The following PPP6R1 variants were observed in gnomAD, a reference collection of about 807,000 sequenced individuals.
The protein encoded by PPP6R1 is protein phosphatase 6 regulatory subunit 1, also known as serine/threonine-protein phosphatase 6 regulatory subunit 1.
In PPP6R1, 39 loss-of-function variants were observed where a neutral mutation model predicts 104.6. The ratio of observed to expected loss-of-function variants is 0.37; its 90% CI spans 0.29 to 0.49. The LOEUF is 0.49. Ranked by LOEUF, PPP6R1 falls within the 20% of genes least tolerant of loss-of-function variation. PPP6R1 has a pLI of 0.98. For synonymous variants in PPP6R1, 549 were observed against 479.0 expected, an observed-to-expected ratio of 1.15 and a Z score of -1.91; for missense variants, 1,181 against 1,155.8, an observed-to-expected ratio of 1.02 and a Z score of -0.32.
At chr19:55,233,873 G>A (rs942104283) in intron 17 of PPP6R1, among the ~76,000 whole-genome samples, 2 of 152,150 alleles carry the variant, frequency 1.3e-5, no homozygotes, top group African/African-American at 4.8e-5. Flanking sequence ...AATTCATATG[G>A]AATCTCAAGA....
intron 1 of PPP6R1, among the ~76,000 whole-genome samples, chr19:55,256,650 C>A (rs888287173): frequency 6.6e-6 from 1 of 152,210 alleles, no homozygotes; most frequent in Non-Finnish European, 1.5e-5. Context: ...GAGCAAGACC[C>A]AGTCTTTACA....
chr19:55,231,241 A>G (rs74609066), intron 21 of PPP6R1, among the ~76,000 whole-genome samples, 169 bp downstream of exon 21: 1 of 152,152 alleles, frequency 6.6e-6, no homozygotes, highest in South Asian at 2.1e-4. Context: ...TACTAAGAGA[A>G]GAACCAGCCT....
At position 55,241,993 on chromosome 19, in the gene PPP6R1, A is replaced by G. The variant is rs1030978289; in HGVS notation, c.845+173T>C. 2.0e-5 allele frequency among the ~76,000 whole-genome samples: 3 copies of G among 152,032 alleles called. No homozygotes were observed. Among genetic ancestry groups the G allele is most frequent in the East Asian group, 1.9e-4 (1 of 5,176 alleles). ...GTGCCCTCACTTGTCAAAGCAGACA[A>G]GAAGATTCCTCCCTCGGCCCCGTAC... is the stretch of plus-strand genomic sequence containing the variant. On this transcript the variant is annotated intron_variant, in intron 7 of 23. Coordinates refer to ENST00000412770, the MANE Select transcript of PPP6R1 (RefSeq NM_014931.4). The surrounding 1 kb of genome is among the most constrained non-coding windows in gnomAD (Gnocchi z 5.4).
chr19:55,230,430 A>G lies in PPP6R1; in HGVS notation c.*98T>C. 1.3e-6 allele frequency: 2 copies of G among 1,544,572 alleles called. No homozygotes were observed. The highest frequency in any genetic ancestry group is 1.8e-6 in the Non-Finnish European group (2 of 1,128,848). ...GAGAGAATGTGGGGGTGTCAGGGTGATGAGGGCAATGGGGGCCATCGTGGG... is the reference window on the plus strand; with the variant it reads ...GAGAGAATGTGGGGGTGTCAGGGTGGTGAGGGCAATGGGGGCCATCGTGGG... On this transcript the variant is annotated 3_prime_UTR_variant, in exon 24 of 24. Coordinates refer to ENST00000412770, the MANE Select transcript of PPP6R1 (RefSeq NM_014931.4).
intron 2 of PPP6R1, among the ~76,000 whole-genome samples, chr19:55,246,184 C>T (rs1380480689): frequency 6.6e-6 from 1 of 152,120 alleles, no homozygotes; most frequent in Non-Finnish European, 1.5e-5. Flanking sequence ...GGGGAGGTAC[C>T]CCTTGGGAGG....
At chr19:55,228,248 G>A (rs1342331012), downstream of PPP6R1, 3 of 1,612,554 alleles carry the variant, frequency 1.9e-6, no homozygotes, top group South Asian at 1.1e-5. Flanking sequence ...GAGCACACAA[G>A]GGCTCCCTGG....
chr19:55,248,886 G>C (rs1200055408), intron 1 of PPP6R1, among the ~76,000 whole-genome samples: 2 of 152,192 alleles, frequency 1.3e-5, no homozygotes, highest in Admixed American at 1.3e-4. Flanking sequence ...CTTGAAGCCA[G>C]GCCAGCCTGG....
At chr19:55,246,315 C>T (rs1364283273) in intron 2 of PPP6R1, among the ~76,000 whole-genome samples, 1 of 151,640 alleles carries the variant, frequency 6.6e-6, no homozygotes, top group Non-Finnish European at 1.5e-5. Flanking sequence ...GTCCCAGCTA[C>T]TTAGGAGGGT....
intron 5 of PPP6R1, among the ~76,000 whole-genome samples, chr19:55,243,495 ATCTC>A (rs1292657602): frequency 6.6e-6 from 1 of 151,838 alleles, no homozygotes; most frequent in Non-Finnish European, 1.5e-5. Flanking sequence ...GCAAAACTCT[ATCTC>A]TACAAATACA....
At chr19:55,228,722 C>T (rs1475053231), downstream of PPP6R1, 3 of 1,612,908 alleles carry the variant, frequency 1.9e-6, no homozygotes, top group Non-Finnish European at 2.5e-6. Context: ...CAGGGTCTGC[C>T]CCGCTTTGCC....
intron 5 of PPP6R1, 43 bp from the exon 6 acceptor site, chr19:55,242,531 G>T: frequency 6.5e-7 from 1 of 1,530,236 alleles, no homozygotes; most frequent in Non-Finnish European, 9.1e-7. Context: ...TCGGGCCACC[G>T]GGCCCTCTGC....
At chr19:55,228,447 G>A, downstream of PPP6R1, 6 of 1,609,740 alleles carry the variant, frequency 3.7e-6, no homozygotes, top group Non-Finnish European at 4.2e-6. Context: ...GCTTTGGGGA[G>A]TGGGGAGCTA....
intron 11 of PPP6R1, 57 bp downstream of exon 11, chr19:55,240,179 G>A (rs905403070): frequency 8.5e-5 from 133 of 1,561,132 alleles, no homozygotes; most frequent in Middle Eastern, 3.3e-4. Flanking sequence ...GCCCCAGCCC[G>A]GCCCCCCATC....
chr19:55,232,128 G>A lies in PPP6R1; in HGVS notation c.2072C>T (p.Ala691Val), dbSNP rs368464619. The A allele has an allele frequency of 2.5e-6, 4 of 1,597,090 alleles. No individual in the cohort carries two copies. Among genetic ancestry groups the A allele is most frequent in the Non-Finnish European group, 3.4e-6 (4 of 1,171,948 alleles). Reference sequence around the variant, plus strand: ...GGACAGAGGGGTGGCCCCTCCACGGGCTGCACAGCCAATGCCCTCCTCGTC... The same window carrying A: ...GGACAGAGGGGTGGCCCCTCCACGGACTGCACAGCCAATGCCCTCCTCGTC... ...EEDEEGIGCA[A>V]RGGATPLSYP... The change falls in exon 18 of 24, where the codon GCC becomes GTC. Residue 691 changes from alanine (A) to valine (V), a missense_variant. By Grantham distance (64) the Ala-to-Val change is moderately conservative. Around this residue, in one of 2 missense-constraint regions of PPP6R1, gnomAD observed 1,042 missense variants for 955.6 expected, o/e 1.09. Transcript: ENST00000412770.
intron 15 of PPP6R1, 187 bp downstream of exon 15, chr19:55,239,218 A>G: frequency 1.6e-6 from 1 of 614,774 alleles, no homozygotes; most frequent in East Asian, 2.8e-5. Flanking sequence ...AACTCATGTA[A>G]CAGGAGGCAG....
At chr19:55,248,669 A>G (rs551773637) in intron 1 of PPP6R1, among the ~76,000 whole-genome samples, 26 of 152,192 alleles carry the variant, frequency 1.7e-4, no homozygotes, top group African/African-American at 6.3e-4. Flanking sequence ...CTGACCTGTC[A>G]CCTCAGTGCC....
At chr19:55,257,075 A>AG (rs2087598848) in intron 1 of PPP6R1, among the ~76,000 whole-genome samples, 1 of 142,506 alleles carries the variant, frequency 7.0e-6, no homozygotes, top group Admixed American at 6.9e-5. Context: ...CCAGAACTAG[A>AG]GTTAAAAAAA....
intron 10 of PPP6R1, 74 bp from the exon 11 acceptor site, chr19:55,240,374 G>C: frequency 7.0e-7 from 1 of 1,429,512 alleles, no homozygotes; most frequent in Middle Eastern, 2.1e-4. Flanking sequence ...CTGCAGCAGG[G>C]GTCCCTTCCT....
At chr19:55,252,575 T>TG (rs1371303745) in intron 1 of PPP6R1, among the ~76,000 whole-genome samples, 1 of 152,056 alleles carries the variant, frequency 6.6e-6, no homozygotes, top group African/African-American at 2.4e-5. Context: ...TTTGTGTGTG[T>TG]TTTTTTAGTA....
Sources: allele counts gnomAD v4.1 joint callset (sites outside exome capture counted in the v4.1 genomes callset), GRCh38; gene constraint gnomAD v4.1.1; regional missense constraint gnomAD v4.1.1; non-coding constraint Gnocchi (gnomAD v3.1); transcripts MANE v1.5; gene names NCBI Gene and HGNC (gene_info 2026-07-23, HGNC 2026-07-21).